Variants in FRK observed in about 807,000 individuals in gnomAD.
FRK encodes fyn related Src family tyrosine kinase.
A neutral mutation model predicts 56.4 loss-of-function variants in FRK; 51 were observed. The observed-to-expected ratio is 0.90, with a 90% CI of 0.72 to 1.14. The LOEUF is 1.14. FRK is among the 50% of genes most tolerant of loss of function. The pLI is 0.00. For synonymous variants in FRK, 245 were observed against 217.9 expected (o/e 1.12, Z -1.10); for missense variants, 570 against 601.4 (o/e 0.95, Z 0.55).
intron 1 of FRK, among the ~76,000 whole-genome samples, chr6:116,023,183 C>T (rs888566133): frequency 3.5e-4 from 54 of 152,156 alleles, no homozygotes; most frequent in African/African-American, 1.3e-3. Context: ...GAGCATCTCT[C>T]ATATGTAAAG....
intron 1 of FRK, among the ~76,000 whole-genome samples, chr6:116,029,455 T>C (rs1025821114): frequency 4.6e-5 from 7 of 152,152 alleles, no homozygotes; most frequent in African/African-American, 1.7e-4. Flanking sequence ...AATCTCTTAT[T>C]TATTTTATAC....
At chr6:116,017,691 A>G (rs777732684) in intron 1 of FRK, among the ~76,000 whole-genome samples, 31 of 152,342 alleles carry the variant, frequency 2.0e-4, no homozygotes, top group Admixed American at 3.3e-4. Context: ...GGTCGGAGGT[A>G]GAGCTCAGGA....
the FRK span, among the ~76,000 whole-genome samples, chr6:116,100,683 A>C: frequency 2.6e-5 from 4 of 152,132 alleles, no homozygotes; most frequent in African/African-American, 9.6e-5. Flanking sequence ...TTGGGGTACC[A>C]GGAGGACGCG....
the FRK span, among the ~76,000 whole-genome samples, chr6:116,098,541 T>C: frequency 6.6e-6 from 1 of 152,176 alleles, no homozygotes; most frequent in Non-Finnish European, 1.5e-5. Flanking sequence ...TTATTTAACA[T>C]TAATTACTTC....
chr6:116,095,753 C>T, the FRK span, among the ~76,000 whole-genome samples: 1 of 152,120 alleles, frequency 6.6e-6, no homozygotes, highest in Non-Finnish European at 1.5e-5. Flanking sequence ...AACTACAATC[C>T]CAAATAGACT....
At position 116,003,656 on chromosome 6, in the gene FRK, G is replaced by A. The variant is rs112230100; in HGVS notation, c.466+221C>T. On this transcript the variant is annotated intron_variant, in intron 2 of 7. Transcript: ENST00000606080. ...ATCCATGTTCTCCATTTCATATCTA[G>A]AGCATATATATTTGAAACTGTTTAT... Among the ~76,000 whole-genome samples, 995 of 152,200 alleles carry A rather than the reference G, an allele frequency of 6.5e-3. 9 individuals carry two copies. The highest frequency in any genetic ancestry group is 0.012 in the Non-Finnish European group (791 of 68,020).
intron 2 of FRK, among the ~76,000 whole-genome samples, chr6:115,995,356 C>T (rs1774797655): frequency 6.6e-6 from 1 of 152,202 alleles, no homozygotes; most frequent in Non-Finnish European, 1.5e-5. Flanking sequence ...TAGAATATAT[C>T]ATGAATTACA....
At chr6:116,100,430 G>C in the FRK span, among the ~76,000 whole-genome samples, 1 of 152,236 alleles carries the variant, frequency 6.6e-6, no homozygotes, top group Non-Finnish European at 1.5e-5. Context: ...AGGGATATTA[G>C]CGGATGAATT....
intron 6 of FRK, 134 bp downstream of exon 6, chr6:115,944,110 G>C (rs1481793572): frequency 1.6e-6 from 1 of 621,742 alleles, no homozygotes; most frequent in African/African-American, 1.9e-5. Flanking sequence ...TAAGGCTTTG[G>C]ACTACTGAAG....
chr6:116,074,244 T>G, the FRK span, among the ~76,000 whole-genome samples: 1 of 152,190 alleles, frequency 6.6e-6, no homozygotes, highest in East Asian at 1.9e-4. Context: ...TCATAATGAC[T>G]AACACCTTTG....
intron 1 of FRK, among the ~76,000 whole-genome samples, chr6:116,027,024 A>T (rs1457626516): frequency 6.6e-6 from 1 of 152,314 alleles, no homozygotes; most frequent in Non-Finnish European, 1.5e-5. Context: ...CAGGTCTTAA[A>T]GAGTTGCCTG....
At chr6:115,990,200 T>TAA (rs984940560) in intron 2 of FRK, among the ~76,000 whole-genome samples, 1 of 151,908 alleles carries the variant, frequency 6.6e-6, no homozygotes, top group African/African-American at 2.4e-5. Flanking sequence ...GCATAATTTG[T>TAA]AAATATTTTC....
chr6:115,940,645 C>T lies in FRK; in HGVS notation c.*1769G>A, dbSNP rs1482031899. The T allele has an allele frequency of 6.6e-6, 1 of 152,156 alleles. No individual in the cohort carries two copies. The highest frequency in any genetic ancestry group is 2.4e-5 in the African/African-American group (1 of 41,538). 9.4% of individuals were successfully genotyped at this position (152,156 alleles called of 1,614,324 possible). A position where few individuals can be genotyped will look rare whatever the true frequency, so the allele number is the denominator to read the frequency against. ...AACAAATTTAAAAGAAAAAAACAAA[C>T]AACCCCATCAAAAAGTGGGCGAAGG... On this transcript the variant is annotated 3_prime_UTR_variant, in exon 8 of 8. Coordinates refer to ENST00000606080, the MANE Select transcript of FRK (RefSeq NM_002031.3).
At chr6:116,061,229 G>C (rs1176383679), upstream of FRK, among the ~76,000 whole-genome samples, 1 of 152,130 alleles carries the variant, frequency 6.6e-6, no homozygotes, top group Non-Finnish European at 1.5e-5. Context: ...AATTGGAAAA[G>C]AACCATCAAG....
At chr6:116,017,136 A>C (rs377256870) in intron 1 of FRK, among the ~76,000 whole-genome samples, 25 of 152,106 alleles carry the variant, frequency 1.6e-4, no homozygotes, top group African/African-American at 6.0e-4. Context: ...TTGTGGAAAA[A>C]GGCAGACTGA....
intron 2 of FRK, among the ~76,000 whole-genome samples, chr6:116,002,234 C>T (rs1459375303): frequency 6.6e-6 from 1 of 152,162 alleles, no homozygotes; most frequent in Non-Finnish European, 1.5e-5. Flanking sequence ...GAAGTCCCAG[C>T]CTGGTGGAGC....
At chr6:116,082,455 G>GT in the FRK span, among the ~76,000 whole-genome samples, 1 of 152,192 alleles carries the variant, frequency 6.6e-6, no homozygotes, top group Non-Finnish European at 1.5e-5. Context: ...GCTGGAAATG[G>GT]TGGTGACTTG....
At chr6:116,030,329 G>A (rs1279937574) in intron 1 of FRK, among the ~76,000 whole-genome samples, 2 of 151,996 alleles carry the variant, frequency 1.3e-5, no homozygotes, top group East Asian at 3.9e-4. Context: ...AACTTACTTT[G>A]GGGAATCCGA....
chr6:116,022,312 T>C (rs1775901643), intron 1 of FRK, among the ~76,000 whole-genome samples: 1 of 152,120 alleles, frequency 6.6e-6, no homozygotes, highest in Non-Finnish European at 1.5e-5. Flanking sequence ...TGTTTTCCAA[T>C]TTGTTTTATG....
Sources: allele counts gnomAD v4.1 joint callset (sites outside exome capture counted in the v4.1 genomes callset), GRCh38; gene constraint gnomAD v4.1.1; transcripts MANE v1.5; gene names NCBI Gene and HGNC (gene_info 2026-07-23, HGNC 2026-07-21).